JAZF1: variants seen among roughly 807,000 people sequenced by gnomAD.
The protein encoded by JAZF1 is JAZF zinc finger 1.
JAZF1 carries 8 observed loss-of-function variants against 26.4 expected under a neutral mutation model. The ratio of observed to expected loss-of-function variants is 0.30; its 90% CI spans 0.18 to 0.55. The LOEUF (loss-of-function observed/expected upper bound fraction) is 0.55, where lower values mean the gene tolerates loss of function less well. Ranked by LOEUF, JAZF1 falls within the 20% of genes least tolerant of loss-of-function variation. JAZF1 has a pLI of 0.94. For missense variants in JAZF1, 199 were observed against 322.0 expected (o/e 0.62, Z 2.92); for synonymous variants, 126 against 122.3 (o/e 1.03, Z -0.20).
chr7:27,928,292 C>T (rs1196836674), intron 2 of JAZF1, among the ~76,000 whole-genome samples: 7 of 152,160 alleles, frequency 4.6e-5, no homozygotes, highest in Non-Finnish European at 5.9e-5. Context: ...AAGCCTAATA[C>T]AGATATAAAC....
intron 1 of JAZF1, among the ~76,000 whole-genome samples, chr7:28,127,722 G>C (rs1048467402): frequency 3.3e-5 from 5 of 152,166 alleles, no homozygotes; most frequent in African/African-American, 1.2e-4. Context: ...CAGCATGGCT[G>C]GGGAGGCCTC....
chr7:28,053,285 C>T (rs569571481), intron 1 of JAZF1, among the ~76,000 whole-genome samples: 7 of 152,266 alleles, frequency 4.6e-5, no homozygotes, highest in Admixed American at 1.3e-4. Flanking sequence ...ATAATTTCGG[C>T]GTGCAAATAT....
At chr7:27,837,971 C>T (rs1241845696) in intron 4 of JAZF1, among the ~76,000 whole-genome samples, 1 of 151,012 alleles carries the variant, frequency 6.6e-6, no homozygotes, top group Non-Finnish European at 1.5e-5. Flanking sequence ...GAGGAATCTA[C>T]ATTAACAAGC....
chr7:28,101,576 TA>T (rs56321937), intron 1 of JAZF1, among the ~76,000 whole-genome samples: 11,328 of 97,554 alleles, frequency 0.12, 1,146 homozygotes, highest in East Asian at 0.44. Flanking sequence ...ATTTCTATAT[TA>T]AAAAAAAAAA....
intron 2 of JAZF1, among the ~76,000 whole-genome samples, chr7:27,918,654 ATT>A (rs1282754104): frequency 6.6e-6 from 1 of 152,230 alleles, no homozygotes; most frequent in Admixed American, 6.5e-5. Flanking sequence ...TATACAGAAA[ATT>A]TGAGAGCAGA....
chr7:27,874,923 G>A (rs150309063), intron 3 of JAZF1, among the ~76,000 whole-genome samples: 124 of 152,050 alleles, frequency 8.2e-4, no homozygotes, highest in East Asian at 2.7e-3. Context: ...CTGGAGCGCC[G>A]GGAGCTGCAG....
rs117414129 is a variant in JAZF1 at position 27,939,524 on chromosome 7, G to A, written c.189-44108C>T. Among the ~76,000 whole-genome samples the A allele has an allele frequency of 4.7e-3, 713 of 152,320 alleles. 2 individuals are homozygous for A. Among genetic ancestry groups the A allele is most frequent in the Non-Finnish European group, 7.9e-3 (536 of 68,004 alleles). ...AAGGGGATGAGCTGTGTGTCCCTGG[G>A]GTGAGATGGCCCCTGTGCCCTGTCC... On this transcript the variant is annotated intron_variant, in intron 2 of 4. Transcript: ENST00000283928.
chr7:28,099,897 T>G (rs1388629667), intron 1 of JAZF1, among the ~76,000 whole-genome samples: 1 of 152,252 alleles, frequency 6.6e-6, no homozygotes, highest in Non-Finnish European at 1.5e-5. Flanking sequence ...TGCTTGGAGC[T>G]ATACTTGGCC....
At chr7:28,150,952 C>A (rs1783103381) in intron 1 of JAZF1, among the ~76,000 whole-genome samples, 1 of 152,004 alleles carries the variant, frequency 6.6e-6, no homozygotes, top group Non-Finnish European at 1.5e-5. Flanking sequence ...GAATTTGTAA[C>A]TAGAAGTGAA....
At chr7:28,163,677 C>T (rs1305083039) in intron 1 of JAZF1, among the ~76,000 whole-genome samples, 1 of 152,212 alleles carries the variant, frequency 6.6e-6, no homozygotes, top group Non-Finnish European at 1.5e-5. Flanking sequence ...CCCTTCAAGT[C>T]CCAATTTCCC....
At chr7:27,883,762 A>C (rs1052499210) in intron 3 of JAZF1, among the ~76,000 whole-genome samples, 10 of 152,336 alleles carry the variant, frequency 6.6e-5, no homozygotes, top group Middle Eastern at 3.4e-3. Flanking sequence ...GTCATTAACC[A>C]ATTCTCAACT....
At chr7:27,920,258 CAT>C (rs1365247228) in intron 2 of JAZF1, among the ~76,000 whole-genome samples, 2 of 152,166 alleles carry the variant, frequency 1.3e-5, no homozygotes, top group Admixed American at 6.5e-5. Flanking sequence ...TAATTGTTAA[CAT>C]AAATAACTGC....
chr7:27,910,174 G>A (rs1213243972), intron 2 of JAZF1, among the ~76,000 whole-genome samples: 1 of 152,192 alleles, frequency 6.6e-6, no homozygotes, highest in South Asian at 2.1e-4. Context: ...GTCTTGCACA[G>A]TATAGTGAGA....
At chr7:28,030,610 G>T (rs1204354469) in intron 1 of JAZF1, among the ~76,000 whole-genome samples, 1 of 151,988 alleles carries the variant, frequency 6.6e-6, no homozygotes, top group African/African-American at 2.4e-5. Flanking sequence ...TTATCTATTT[G>T]TCAGATTGAG....
intron 1 of JAZF1, among the ~76,000 whole-genome samples, chr7:28,166,034 G>C (rs1783362252): frequency 1.3e-5 from 2 of 152,076 alleles, no homozygotes; most frequent in Admixed American, 1.3e-4. Flanking sequence ...AAATCAGCCT[G>C]TTTTGTTAGA....
intron 3 of JAZF1, chr7:27,842,459 G>C (rs1009168420): frequency 1.2e-4 from 18 of 152,100 alleles, no homozygotes; most frequent in African/African-American, 4.3e-4. Context: ...GATGGAATTC[G>C]AAGCAGTCTG....
At chr7:27,913,640 T>C (rs1045272483) in intron 2 of JAZF1, among the ~76,000 whole-genome samples, 1 of 152,082 alleles carries the variant, frequency 6.6e-6, no homozygotes, top group Non-Finnish European at 1.5e-5. Flanking sequence ...CTGATTAACA[T>C]CTCCAGAAGA....
At chr7:27,903,833 C>T (rs190259590) in intron 2 of JAZF1, among the ~76,000 whole-genome samples, 2 of 152,162 alleles carry the variant, frequency 1.3e-5, no homozygotes, top group South Asian at 4.1e-4. Context: ...GCTAGCAGAC[C>T]CTCTGTAGAA....
intron 1 of JAZF1, among the ~76,000 whole-genome samples, chr7:28,032,276 T>C (rs983771270): frequency 2.6e-5 from 4 of 152,202 alleles, no homozygotes; most frequent in African/African-American, 9.7e-5. Context: ...ACACTGGCAC[T>C]GCACATTTTG....
Sources: allele counts gnomAD v4.1 joint callset (sites outside exome capture counted in the v4.1 genomes callset), GRCh38; gene constraint gnomAD v4.1.1; transcripts MANE v1.5; gene names NCBI Gene and HGNC (gene_info 2026-07-23, HGNC 2026-07-21).